Variants in AP3B2 observed in about 807,000 individuals in gnomAD.
AP3B2 encodes AP-3 complex subunit beta-2.
AP3B2 carries 50 observed loss-of-function variants against 126.9 expected under a neutral mutation model. That is an observed-to-expected ratio of 0.39 (90% CI 0.31 to 0.50). AP3B2 has a LOEUF of 0.50. Ranked by LOEUF, AP3B2 falls within the 20% of genes least tolerant of loss-of-function variation. The pLI, the probability that AP3B2 is intolerant of heterozygous loss-of-function variation, is 0.79. For synonymous variants in AP3B2, 541 were observed against 565.0 expected (o/e 0.96, Z 0.60); for missense variants, 1,177 against 1,426.4 (o/e 0.83, Z 2.82).
At chr15:82,698,602 G>T (rs2048667198) in intron 1 of AP3B2, among the ~76,000 whole-genome samples, 1 of 152,068 alleles carries the variant, frequency 6.6e-6, no homozygotes, top group Non-Finnish European at 1.5e-5. Context: ...TGAGATTTTT[G>T]ATGATAAATG....
chr15:82,663,683 G>C (rs954689381), intron 20 of AP3B2, 63 bp from the exon 21 acceptor site: 30 of 1,611,122 alleles, frequency 1.9e-5, no homozygotes, highest in Non-Finnish European at 2.3e-5. Flanking sequence ...TTCTGGGTTG[G>C]GTAGAAGATG....
chr15:82,685,432 A>G (rs2048410831), intron 4 of AP3B2: 2 of 152,238 alleles, frequency 1.3e-5, no homozygotes, highest in Non-Finnish European at 2.9e-5. Flanking sequence ...GGTAGATATT[A>G]CCCTGACTTT....
intron 1 of AP3B2, chr15:82,692,034 T>C: frequency 6.8e-7 from 1 of 1,474,988 alleles, no homozygotes; most frequent in Non-Finnish European, 9.4e-7. Context: ...CCTGAGGAAG[T>C]CCTGAAACAA....
At chr15:82,685,952 T>C (rs202097384) in intron 4 of AP3B2, 2 of 152,308 alleles carry the variant, frequency 1.3e-5, no homozygotes, top group Non-Finnish European at 2.9e-5. Flanking sequence ...GATAGAAAAA[T>C]GCCAGCTGTC....
Position 82,664,359 on chromosome 15 carries a change from C to T in AP3B2, c.2261+8G>A, listed in dbSNP as rs748368580. On this transcript the variant is annotated splice_region_variant and intron_variant, in intron 19 of 26. Coordinates refer to ENST00000535359, the MANE Select transcript of AP3B2 (RefSeq NM_001278512.2). The surrounding 1 kb of genome is among the most constrained non-coding windows in gnomAD (Gnocchi z 4.5). ...CCCCACCAGCCATCTGGCTAGCTCC[C>T]TTCTCACCTCTCACTGCCTCTCCCT... The T allele has an allele frequency of 1.2e-6, 2 of 1,613,712 alleles. No homozygotes were observed. Among genetic ancestry groups the T allele is most frequent in the Non-Finnish European group, 1.7e-6 (2 of 1,179,880 alleles).
intron 1 of AP3B2, among the ~76,000 whole-genome samples, chr15:82,693,546 C>T (rs1321002481): frequency 1.3e-5 from 2 of 152,000 alleles, no homozygotes; most frequent in East Asian, 1.9e-4. Flanking sequence ...CACACCTGGC[C>T]AGCAGCAAAT....
rs774369761 is a variant in AP3B2 at position 82,663,557 on chromosome 15, C to CA, written c.2497+2dup. ...CCCTGTGACTTTTACCACCCAAACT[C>CA]ACAATCCTCTAGATCAAGCAGGGAG... On this transcript the variant is annotated splice_region_variant and intron_variant, in intron 21 of 26. Coordinates refer to ENST00000535359, the MANE Select transcript of AP3B2 (RefSeq NM_001278512.2). 6.2e-7 allele frequency: 1 copy of CA among 1,613,726 alleles called. No individual in the cohort carries two copies. Among genetic ancestry groups the CA allele is most frequent in the Non-Finnish European group, 8.5e-7 (1 of 1,179,756 alleles).
rs1232616893 is a variant in AP3B2 at position 82,665,425 on chromosome 15, A to T, written c.1971+32T>A. The T allele has an allele frequency of 8.6e-7, 1 of 1,164,002 alleles. No individual in the cohort carries two copies. Among genetic ancestry groups the T allele is most frequent in the Non-Finnish European group, 1.2e-6 (1 of 829,402 alleles). The allele number at this position is 1,164,002 out of a possible 1,614,324, so 72.1% of individuals were successfully genotyped here. A position where few individuals can be genotyped will look rare whatever the true frequency, so the allele number is the denominator to read the frequency against. ...CACACACACACACACACACACACAC[A>T]CACACACACTTCAACCCTCCACCCC... On this transcript the variant is annotated intron_variant, in intron 16 of 26. Transcript: ENST00000535359. The surrounding 1 kb of genome is among the most constrained non-coding windows in gnomAD (Gnocchi z 4.4).
chr15:82,659,832 G>A lies in AP3B2; in HGVS notation c.3155+13C>T. The A allele has an allele frequency of 4.3e-6, 7 of 1,613,274 alleles. No homozygotes were observed. Among genetic ancestry groups the A allele is most frequent in the Non-Finnish European group, 5.1e-6 (6 of 1,179,412 alleles). On this transcript the variant is annotated intron_variant, in intron 26 of 26. Transcript: ENST00000535359. ...CCATGCTCATCATTTCCCCTCTACTGGTGGCCTAGTACCTGTACTCATCAG... is the reference window on the plus strand; with the variant it reads ...CCATGCTCATCATTTCCCCTCTACTAGTGGCCTAGTACCTGTACTCATCAG...
intron 3 of AP3B2, 162 bp from the exon 4 acceptor site, chr15:82,688,993 T>A (rs2048478769): frequency 9.9e-7 from 1 of 1,012,630 alleles, no homozygotes; most frequent in Non-Finnish European, 1.5e-6. Flanking sequence ...TTTACCTTGA[T>A]CCACATCCAG....
chr15:82,664,300 A>G lies in AP3B2; in HGVS notation c.2261+67T>C. 6.2e-7 allele frequency: 1 copy of G among 1,608,940 alleles called. No homozygotes were observed. The highest frequency in any genetic ancestry group is 1.3e-5 in the African/African-American group (1 of 74,982). Reference sequence around the variant, plus strand: ...GCTCTTAGGAGACTGGCTAAAGCTCAATGCTAGCCCTCTTTCCAGGAAAGC... The same window carrying G: ...GCTCTTAGGAGACTGGCTAAAGCTCGATGCTAGCCCTCTTTCCAGGAAAGC... On this transcript the variant is annotated intron_variant, in intron 19 of 26. Coordinates refer to ENST00000535359, the MANE Select transcript of AP3B2 (RefSeq NM_001278512.2). The surrounding 1 kb of genome is among the most constrained non-coding windows in gnomAD (Gnocchi z 4.5).
In AP3B2 at chr15:82,664,476, T is replaced by A; in HGVS notation, c.2152A>T (p.Ser718Cys). 1 of 1,613,566 alleles carries A rather than the reference T, an allele frequency of 6.2e-7. No homozygotes were observed. Among genetic ancestry groups the A allele is most frequent in the Non-Finnish European group, 8.5e-7 (1 of 1,179,746 alleles). ...ESADSDPESESESDSKSSSES... is the reference protein window; with the variant it reads ...ESADSDPESECESDSKSSSES... ...CTGCTGCTCTTACTGTCCGATTCAC[T>A]CTCAGACTCAGGGTCTGTGGAGGAA... The change falls in exon 19 of 27, where the codon AGT becomes TGT. Residue 718 changes from serine (S) to cysteine (C), a missense_variant. Physicochemically the swap from Ser to Cys is moderately radical, Grantham distance 112 (BLOSUM62 -1). Coordinates refer to ENST00000535359, the MANE Select transcript of AP3B2 (RefSeq NM_001278512.2). The surrounding 1 kb of genome is among the most constrained non-coding windows in gnomAD (Gnocchi z 4.5).
At chr15:82,667,639 C>T (rs571665433) in intron 14 of AP3B2, among the ~76,000 whole-genome samples, 12 of 152,232 alleles carry the variant, frequency 7.9e-5, no homozygotes, top group Non-Finnish European at 1.3e-4. Flanking sequence ...ATGGCAACAG[C>T]GGTAGCAGCC....
intron 1 of AP3B2, chr15:82,697,742 C>T (rs1325658255): frequency 1.3e-5 from 2 of 152,280 alleles, no homozygotes; most frequent in African/African-American, 4.8e-5. Flanking sequence ...AAGAAAATAT[C>T]CAGCCCCATC....
rs953615674 is a variant in AP3B2, at chr15:82,691,988, A to C, written c.114-2535T>G. On this transcript the variant is annotated intron_variant, in intron 1 of 26. Coordinates refer to ENST00000535359, the MANE Select transcript of AP3B2 (RefSeq NM_001278512.2). ...CACATCGGCATAACAGACATCCCCAACTTCTCGCATGTGATCCTTCAGGTC... is the reference window on the plus strand; with the variant it reads ...CACATCGGCATAACAGACATCCCCACCTTCTCGCATGTGATCCTTCAGGTC... 6 of 1,450,412 alleles carry C rather than the reference A, an allele frequency of 4.1e-6. No individual in the cohort carries two copies. In the African/African-American group the frequency reaches 7.0e-5, roughly 17 times the overall value. 89.8% of individuals were successfully genotyped at this position (1,450,412 alleles called of 1,614,324 possible). A position where few individuals can be genotyped will look rare whatever the true frequency, so the allele number is the denominator to read the frequency against.
chr15:82,676,586 G>A lies in AP3B2; in HGVS notation c.1540C>T (p.His514Tyr). 3 of 1,614,016 alleles carry A rather than the reference G, an allele frequency of 1.9e-6. No individual in the cohort carries two copies. The highest frequency in any genetic ancestry group is 2.5e-6 in the Non-Finnish European group (3 of 1,179,898). Residue 514 changes from histidine (H) to tyrosine (Y), a missense_variant, in exon 14 of 27, where the codon CAT becomes TAT. His to Tyr is a moderately conservative substitution (Grantham distance 83). Coordinates refer to ENST00000535359, the MANE Select transcript of AP3B2 (RefSeq NM_001278512.2). ...ILWLIGEYCE[H>Y]VPRIAPDVLR... The stretch of plus-strand genomic sequence containing the variant: ...ACATCAGGTGCAATCCTGGGGACAT[G>A]CTCACAGTACTCTCCGATGAGCCAC...
intron 10 of AP3B2, 25 bp downstream of exon 10, chr15:82,679,704 A>G: frequency 1.9e-6 from 3 of 1,604,148 alleles, no homozygotes; most frequent in Non-Finnish European, 2.6e-6. Flanking sequence ...GCTGGGAAGC[A>G]CATGCACTTC....
Position 82,681,210 on chromosome 15 carries a change from ACT to A in AP3B2, c.522-34_522-33del, listed in dbSNP as rs768800332. On this transcript the variant is annotated intron_variant, in intron 5 of 26. Coordinates refer to ENST00000535359, the MANE Select transcript of AP3B2 (RefSeq NM_001278512.2). This position sits in a 1 kb window ranked among gnomAD's most constrained non-coding sequence, Gnocchi z 4.0. ...GAGAAATCGGTGAGGGGAATTTGCC[ACT>A]CTCAGCCCCAGCCTTCCCAATATCT... 59 of 1,593,478 alleles carry A rather than the reference ACT, an allele frequency of 3.7e-5. No individual in the cohort carries two copies. The highest frequency in any genetic ancestry group is 4.7e-5 in the Non-Finnish European group (55 of 1,170,054).
chr15:82,702,721 C>T (rs2048738063), intron 1 of AP3B2, among the ~76,000 whole-genome samples: 1 of 152,098 alleles, frequency 6.6e-6, no homozygotes, highest in African/African-American at 2.4e-5. Context: ...GATTAAAAAG[C>T]TTTATTGCTC....
Sources: allele counts gnomAD v4.1 joint callset (sites outside exome capture counted in the v4.1 genomes callset), GRCh38; gene constraint gnomAD v4.1.1; non-coding constraint Gnocchi (gnomAD v3.1); transcripts MANE v1.5; gene names NCBI Gene and HGNC (gene_info 2026-07-23, HGNC 2026-07-21).